The following MACROD2 variants were observed in gnomAD, a reference collection of about 807,000 sequenced individuals.
The protein encoded by MACROD2 is ADP-ribose glycohydrolase MACROD2.
In MACROD2, 36 loss-of-function variants were observed where a neutral mutation model predicts 70.4. The ratio of observed to expected loss-of-function variants is 0.51; its 90% CI spans 0.39 to 0.68. The LOEUF (loss-of-function observed/expected upper bound fraction) is 0.68, where lower values mean the gene tolerates loss of function less well. Ranked by LOEUF, MACROD2 falls within the 30% of genes least tolerant of loss-of-function variation. The probability of loss-of-function intolerance (pLI) is 0.00; values close to 1 mark genes in which losing one functional copy is unlikely to be tolerated. For synonymous variants in MACROD2, 172 were observed against 178.8 expected (o/e 0.96, Z 0.30); for missense variants, 496 against 538.4 (o/e 0.92, Z 0.78).
chr20:15,001,933 G>C (rs185454441), intron 5 of MACROD2, among the ~76,000 whole-genome samples: 1 of 150,608 alleles, frequency 6.6e-6, no homozygotes, highest in East Asian at 1.9e-4. Flanking sequence ...ATAGCTTAGC[G>C]CGTGTGCATG....
intron 5 of MACROD2, among the ~76,000 whole-genome samples, chr20:14,709,630 A>G (rs898936745): frequency 3.3e-5 from 5 of 152,206 alleles, no homozygotes; most frequent in Admixed American, 6.5e-5. Flanking sequence ...GCAAGAGATG[A>G]CAGCTGACCT....
At chr20:15,127,368 T>C (rs976024344) in intron 5 of MACROD2, among the ~76,000 whole-genome samples, 1 of 152,266 alleles carries the variant, frequency 6.6e-6, no homozygotes, top group African/African-American at 2.4e-5. Flanking sequence ...TTGCATTAGT[T>C]ATCTACTGCT....
intron 8 of MACROD2, among the ~76,000 whole-genome samples, chr20:15,628,500 G>T (rs551237888): frequency 7.2e-5 from 11 of 152,234 alleles, no homozygotes; most frequent in Non-Finnish European, 1.3e-4. Context: ...TTCAACCCTG[G>T]TGGATTGAGA....
At chr20:15,767,184 A>G (rs1568549104) in intron 8 of MACROD2, among the ~76,000 whole-genome samples, 1 of 152,252 alleles carries the variant, frequency 6.6e-6, no homozygotes. Flanking sequence ...ACAATGAGTA[A>G]CTAGATTTTA....
chr20:14,043,463 G>A (rs960111437), intron 2 of MACROD2, among the ~76,000 whole-genome samples: 1 of 152,206 alleles, frequency 6.6e-6, no homozygotes, highest in African/African-American at 2.4e-5. Context: ...ACCTTTATGT[G>A]TTCAGCTATC....
intron 8 of MACROD2, among the ~76,000 whole-genome samples, chr20:15,649,078 CTTCCCT>C (rs2049598455): frequency 2.3e-5 from 2 of 87,816 alleles, no homozygotes; most frequent in Non-Finnish European, 4.5e-5. Flanking sequence ...CTCCCCTCCC[CTTCCCT>C]CCCCTTCCCT....
intron 8 of MACROD2, among the ~76,000 whole-genome samples, chr20:15,702,964 G>C (rs1163954215): frequency 2.6e-5 from 4 of 152,092 alleles, no homozygotes; most frequent in African/African-American, 9.7e-5. Flanking sequence ...GAACAGAATA[G>C]AGAACCCAGA....
intron 8 of MACROD2, among the ~76,000 whole-genome samples, chr20:15,553,519 GAGCGATCTCCTACCTCAGCCTCCCA>G (rs2048125722): frequency 6.6e-6 from 1 of 152,110 alleles, no homozygotes; most frequent in African/African-American, 2.4e-5. Context: ...TCTGGGGCTT[GAGCGATCTCCTACCTCAGCCTCCCA>G]AGTAGCTGGG....
At chr20:14,791,448 G>A (rs2072450011) in intron 5 of MACROD2, among the ~76,000 whole-genome samples, 1 of 152,078 alleles carries the variant, frequency 6.6e-6, no homozygotes, top group Non-Finnish European at 1.5e-5. Context: ...GGAATAGTGG[G>A]ATAAAAACAC....
chr20:15,023,802 G>A (rs1249604669), intron 5 of MACROD2, among the ~76,000 whole-genome samples: 1 of 152,116 alleles, frequency 6.6e-6, no homozygotes, highest in Non-Finnish European at 1.5e-5. Flanking sequence ...AATTCAAGAT[G>A]AGATTTGGGT....
intron 5 of MACROD2, among the ~76,000 whole-genome samples, chr20:14,909,028 AG>A (rs2073994104): frequency 6.6e-6 from 1 of 152,200 alleles, no homozygotes; most frequent in African/African-American, 2.4e-5. Context: ...AGGTCAAAAG[AG>A]ATGTCAAAAA....
At chr20:15,183,083 G>A (rs2076511199) in intron 5 of MACROD2, among the ~76,000 whole-genome samples, 1 of 152,082 alleles carries the variant, frequency 6.6e-6, no homozygotes, top group African/African-American at 2.4e-5. Context: ...TGCATTTCTT[G>A]CCTTTATTAG....
chr20:15,110,964 C>A (rs962332649), intron 5 of MACROD2, among the ~76,000 whole-genome samples: 2 of 152,146 alleles, frequency 1.3e-5, no homozygotes, highest in South Asian at 4.1e-4. Flanking sequence ...CACCTGCATC[C>A]AATACTTATT....
intron 6 of MACROD2, among the ~76,000 whole-genome samples, chr20:15,379,079 A>G (rs1003094139): frequency 6.6e-6 from 1 of 152,242 alleles, no homozygotes; most frequent in Non-Finnish European, 1.5e-5. Context: ...AGGTATGACT[A>G]TATATAAATG....
rs534338379 is a variant in MACROD2 at position 15,998,029 on chromosome 20, G to T, written c.1153+10871G>T. Among the ~76,000 whole-genome samples, 17 of 152,268 alleles carry T rather than the reference G, an allele frequency of 1.1e-4. No individual in the cohort carries two copies. In the East Asian group the frequency reaches 2.5e-3, roughly 22 times the overall value. ...GATTTCCATATGTTGAACCATCCTT[G>T]AATTCCAGGTGTAAATCCCTCCATC... is the stretch of plus-strand genomic sequence containing the variant. On this transcript the variant is annotated intron_variant, in intron 15 of 17. Coordinates refer to ENST00000684519, the MANE Select transcript of MACROD2 (RefSeq NM_001351661.2).
At chr20:15,917,474 C>T (rs1393753630) in intron 10 of MACROD2, among the ~76,000 whole-genome samples, 5 of 152,152 alleles carry the variant, frequency 3.3e-5, no homozygotes, top group Non-Finnish European at 7.3e-5. Context: ...GTAAGTATTC[C>T]TTACTGCTGG....
intron 12 of MACROD2, among the ~76,000 whole-genome samples, chr20:15,946,857 C>T (rs2065830616): frequency 6.6e-6 from 1 of 152,160 alleles, no homozygotes; most frequent in Non-Finnish European, 1.5e-5. Flanking sequence ...ATTACTATTT[C>T]CACCATCTCA....
intron 7 of MACROD2, among the ~76,000 whole-genome samples, chr20:15,496,614 T>C (rs1331464130): frequency 6.6e-6 from 1 of 152,192 alleles, no homozygotes; most frequent in Non-Finnish European, 1.5e-5. Flanking sequence ...TATTTATTCG[T>C]TTTTTATAGC....
intron 6 of MACROD2, among the ~76,000 whole-genome samples, chr20:15,241,823 G>A (rs1010045900): frequency 5.3e-5 from 8 of 151,676 alleles, no homozygotes; most frequent in African/African-American, 1.9e-4. Flanking sequence ...AATTCCTTGG[G>A]CTATTTGGCT....
Sources: gnomAD v4.1 joint callset for allele counts (sites outside exome capture counted in the v4.1 genomes callset) on GRCh38, gnomAD v4.1.1 for gene constraint, MANE v1.5 for transcripts, NCBI Gene and HGNC (gene_info 2026-07-23, HGNC 2026-07-21) for gene names.